The following SNX25 variants were observed in gnomAD, a reference collection of about 807,000 sequenced individuals.
The protein encoded by SNX25 is sorting nexin-25.
SNX25 carries 62 observed loss-of-function variants against 113.7 expected under a neutral mutation model. The observed-to-expected ratio is 0.55, with a 90% CI of 0.44 to 0.67. The LOEUF is 0.67. Ranked by LOEUF, SNX25 falls within the 30% of genes least tolerant of loss-of-function variation. SNX25 has a pLI of 0.00. For synonymous variants in SNX25, 421 were observed against 436.2 expected, an observed-to-expected ratio of 0.97 and a Z score of 0.43; for missense variants, 1,014 against 1,161.0, an observed-to-expected ratio of 0.87 and a Z score of 1.84.
At chr4:185,362,571 T>C in intron 17 of SNX25, 40 bp from the exon 18 acceptor site, 1 of 1,585,748 alleles carries the variant, frequency 6.3e-7, no homozygotes, top group South Asian at 1.1e-5. Flanking sequence ...CACTGAGCAC[T>C]TTATCAATAG....
intron 2 of SNX25, among the ~76,000 whole-genome samples, chr4:185,249,683 A>ATT (rs70962560): frequency 6.6e-6 from 1 of 151,178 alleles, no homozygotes; most frequent in Non-Finnish European, 1.5e-5. Context: ...AAGTTCACCA[A>ATT]TTTTTTTTCT....
chr4:185,310,835 T>A lies in SNX25; in HGVS notation c.1344+19T>A, dbSNP rs1755140082. Reference sequence around the variant, plus strand: ...CCAGAAGGTAGAACTTTATAGTTTCTTGTTTTGACCCTACCAAGTTTATTA... The same window carrying A: ...CCAGAAGGTAGAACTTTATAGTTTCATGTTTTGACCCTACCAAGTTTATTA... On this transcript the variant is annotated intron_variant, in intron 7 of 18. Transcript: ENST00000652585. 16 of 1,584,130 alleles carry A rather than the reference T, an allele frequency of 1.0e-5. No homozygotes were observed. The highest frequency in any genetic ancestry group is 1.4e-5 in the Non-Finnish European group (16 of 1,168,846).
chr4:185,325,868 T>C (rs1346473815), intron 9 of SNX25, among the ~76,000 whole-genome samples: 5 of 152,150 alleles, frequency 3.3e-5, no homozygotes. Context: ...ACACAAAATA[T>C]GGGGCCAGTT....
chr4:185,245,137 G>A (rs553604528), intron 1 of SNX25, among the ~76,000 whole-genome samples: 130 of 151,452 alleles, frequency 8.6e-4, no homozygotes, highest in African/African-American at 2.6e-3. Context: ...TATTTCTCAC[G>A]TGAAAAAAAA....
intron 9 of SNX25, among the ~76,000 whole-genome samples, chr4:185,329,717 A>G (rs535184848): frequency 6.6e-6 from 1 of 152,056 alleles, no homozygotes; most frequent in Admixed American, 6.5e-5. Flanking sequence ...AGGATGAGGG[A>G]GGAGGAGGGG....
rs890802260 is a variant in SNX25, at chr4:185,232,714, G to T, written c.430-14580G>T. On this transcript the variant is annotated intron_variant, in intron 1 of 18. Transcript: ENST00000652585. The surrounding 1 kb of genome is among the most constrained non-coding windows in gnomAD (Gnocchi z 4.4). ...GAGTTACAGGACAGCTTTAAAGCAG[G>T]GGCAGCTCTTCTGGTTCCTTCAGCA... 2.6e-5 allele frequency among the ~76,000 whole-genome samples: 4 copies of T among 152,148 alleles called. No individual in the cohort carries two copies. The highest frequency in any genetic ancestry group is 7.2e-5 in the African/African-American group (3 of 41,422).
chr4:185,358,764 CATT>C (rs2095349874), intron 16 of SNX25, among the ~76,000 whole-genome samples: 1 of 152,086 alleles, frequency 6.6e-6, no homozygotes, highest in Non-Finnish European at 1.5e-5. Flanking sequence ...ACAAGATAAA[CATT>C]ATGATTTCCT....
At chr4:185,224,390 T>A (rs1263636915) in intron 1 of SNX25, among the ~76,000 whole-genome samples, 4 of 143,520 alleles carry the variant, frequency 2.8e-5, no homozygotes, top group Non-Finnish European at 6.0e-5. Context: ...TATAAATATA[T>A]AAATATATAA....
chr4:185,376,932 G>A, the SNX25 span: 36 of 1,612,896 alleles, frequency 2.2e-5, no homozygotes, highest in South Asian at 2.9e-4. Context: ...AGTTGACCTC[G>A]TAGGAAATAT....
At chr4:185,374,070 A>G (rs2095425050), downstream of SNX25, 6 of 1,343,566 alleles carry the variant, frequency 4.5e-6, no homozygotes, top group Non-Finnish European at 6.3e-6. Context: ...CATTTTCTCA[A>G]AAAAAGCAGT....
intron 5 of SNX25, among the ~76,000 whole-genome samples, chr4:185,269,393 A>T (rs1201458223): frequency 6.6e-6 from 1 of 152,208 alleles, no homozygotes; most frequent in Non-Finnish European, 1.5e-5. Context: ...TGACATGATG[A>T]CTATGCCCCA....
At chr4:185,288,504 T>A (rs1015490621) in intron 6 of SNX25, among the ~76,000 whole-genome samples, 17 of 152,036 alleles carry the variant, frequency 1.1e-4, no homozygotes, top group Non-Finnish European at 2.5e-4. Context: ...TTTTCCTTTT[T>A]TAAGCTTTTT....
chr4:185,294,672 A>C (rs1348026986), intron 6 of SNX25, among the ~76,000 whole-genome samples: 4 of 152,198 alleles, frequency 2.6e-5, no homozygotes, highest in Admixed American at 6.6e-5. Context: ...AGTAAAGCTG[A>C]TGCTGCCGCA....
intron 12 of SNX25, among the ~76,000 whole-genome samples, chr4:185,345,509 A>G (rs2095281253): frequency 6.6e-6 from 1 of 152,214 alleles, no homozygotes; most frequent in Admixed American, 6.5e-5. Context: ...AGAGGCAGTA[A>G]TAAGGCCAGG....
intron 5 of SNX25, among the ~76,000 whole-genome samples, chr4:185,287,697 C>T (rs1423270506): frequency 1.3e-5 from 2 of 152,142 alleles, no homozygotes; most frequent in African/African-American, 2.4e-5. Flanking sequence ...GCTCTGCTCA[C>T]CTAGGATTGT....
chr4:185,314,856 CA>C (rs35230364), intron 7 of SNX25, among the ~76,000 whole-genome samples: 46,272 of 96,328 alleles, frequency 0.48, 7,601 homozygotes, highest in East Asian at 0.56. Flanking sequence ...GACTCTGTCT[CA>C]AAAAAAAAAA....
At chr4:185,305,920 C>T (rs1048355424) in intron 6 of SNX25, among the ~76,000 whole-genome samples, 14 of 152,194 alleles carry the variant, frequency 9.2e-5, no homozygotes, top group African/African-American at 3.1e-4. Context: ...TGTGTGTGTT[C>T]ATCTTGGCAC....
At chr4:185,238,643 G>C (rs2126442004) in intron 1 of SNX25, among the ~76,000 whole-genome samples, 1 of 152,276 alleles carries the variant, frequency 6.6e-6, no homozygotes, top group African/African-American at 2.4e-5. Flanking sequence ...ACGGCTCCAT[G>C]TGGTTAATGA....
intron 1 of SNX25, among the ~76,000 whole-genome samples, chr4:185,212,542 C>G (rs1175880861): frequency 7.2e-6 from 1 of 139,574 alleles, no homozygotes; most frequent in Non-Finnish European, 1.5e-5. Context: ...GTGCAAGCCA[C>G]CACGCCTGGC....
Sources: allele counts gnomAD v4.1 joint callset (sites outside exome capture counted in the v4.1 genomes callset), GRCh38; gene constraint gnomAD v4.1.1; non-coding constraint Gnocchi (gnomAD v3.1); transcripts MANE v1.5; gene names NCBI Gene and HGNC (gene_info 2026-07-23, HGNC 2026-07-21).